The following TEX36 variants were observed in gnomAD, a reference collection of about 807,000 sequenced individuals.
TEX36 encodes testis-expressed protein 36.
TEX36 carries 12 observed loss-of-function variants against 13.6 expected under a neutral mutation model. That is an observed-to-expected ratio of 0.88 (90% CI 0.56 to 1.43). TEX36 has a LOEUF of 1.43. Ranked by LOEUF, TEX36 falls within the 40% of genes most tolerant of loss-of-function variation. The probability of loss-of-function intolerance (pLI) is 0.00; values close to 1 mark genes in which losing one functional copy is unlikely to be tolerated. For missense variants in TEX36, 224 were observed against 228.3 expected, an observed-to-expected ratio of 0.98 and a Z score of 0.12; for synonymous variants, 93 against 83.0, an observed-to-expected ratio of 1.12 and a Z score of -0.65.
At chr10:125,641,660 G>C (rs1846693665) in intron 3 of TEX36, among the ~76,000 whole-genome samples, 1 of 152,208 alleles carries the variant, frequency 6.6e-6, no homozygotes, top group East Asian at 1.9e-4. Flanking sequence ...TGATGAGTAA[G>C]TTGGGGTTTC....
intron 3 of TEX36, among the ~76,000 whole-genome samples, chr10:125,591,649 G>T (rs1846022409): frequency 6.6e-6 from 1 of 152,240 alleles, no homozygotes; most frequent in Admixed American, 6.5e-5. Flanking sequence ...TAGGAAATTA[G>T]TGTTTCTGTA....
At chr10:125,667,473 AG>A in intron 1 of TEX36, 1 of 719,148 alleles carries the variant, frequency 1.4e-6, no homozygotes, top group Non-Finnish European at 2.6e-6. Flanking sequence ...GCAAGGGCTG[AG>A]GGGGTGTGTT....
downstream of TEX36, among the ~76,000 whole-genome samples, chr10:125,654,531 T>C (rs1474072339): frequency 6.6e-6 from 1 of 152,170 alleles, no homozygotes; most frequent in Non-Finnish European, 1.5e-5. Context: ...AGTGTTATTT[T>C]TGTTGTTGTT....
At chr10:125,677,676 G>T (rs958229062) in intron 1 of TEX36, among the ~76,000 whole-genome samples, 2 of 151,842 alleles carry the variant, frequency 1.3e-5, no homozygotes, top group Non-Finnish European at 2.9e-5. Flanking sequence ...TCTTTAAAAT[G>T]AATTTTTTTT....
At position 125,661,987 on chromosome 10, in the gene TEX36, C is replaced by G. The variant is rs1401461868; in HGVS notation, c.52-10G>C. 1 of 1,552,408 alleles carries G rather than the reference C, an allele frequency of 6.4e-7. No homozygotes were observed. The highest frequency in any genetic ancestry group is 8.7e-7 in the Non-Finnish European group (1 of 1,147,126). ...GCCCGATGTGAGGGAACTGGAAGAA[C>G]AGCACACGCCTTGATTAAAACCAGA... On this transcript the variant is annotated splice_polypyrimidine_tract_variant and intron_variant, in intron 1 of 3. Coordinates refer to ENST00000368821, the MANE Select transcript of TEX36 (RefSeq NM_001128202.3).
At chr10:125,605,968 C>T (rs1027872765) in intron 3 of TEX36, among the ~76,000 whole-genome samples, 1 of 152,130 alleles carries the variant, frequency 6.6e-6, no homozygotes, top group African/African-American at 2.4e-5. Flanking sequence ...TTATTAAAAC[C>T]AACTTTGTGG....
intron 3 of TEX36, among the ~76,000 whole-genome samples, chr10:125,645,568 A>ATAAAT (rs1302015329): frequency 6.6e-6 from 1 of 152,196 alleles, no homozygotes; most frequent in Non-Finnish European, 1.5e-5. Flanking sequence ...ACTGTAAGAA[A>ATAAAT]TAAATTTCTT....
intron 3 of TEX36, among the ~76,000 whole-genome samples, chr10:125,657,812 G>T (rs531729886): frequency 6.6e-6 from 1 of 152,154 alleles, no homozygotes; most frequent in African/African-American, 2.4e-5. Flanking sequence ...AACAGGAAGT[G>T]AGTGAGATAA....
At chr10:125,612,044 C>G (rs1846295812) in intron 3 of TEX36, among the ~76,000 whole-genome samples, 1 of 150,962 alleles carries the variant, frequency 6.6e-6, no homozygotes, top group African/African-American at 2.4e-5. Flanking sequence ...AGCACTGTCT[C>G]TTTTCCACTC....
intron 3 of TEX36, among the ~76,000 whole-genome samples, chr10:125,639,865 T>C (rs963904250): frequency 3.9e-5 from 6 of 152,220 alleles, no homozygotes; most frequent in Non-Finnish European, 7.3e-5. Flanking sequence ...CAATCCTCTT[T>C]GGGAACTATA....
chr10:125,681,559 C>A (rs549316828), intron 1 of TEX36, among the ~76,000 whole-genome samples: 1 of 152,228 alleles, frequency 6.6e-6, no homozygotes, highest in African/African-American at 2.4e-5. Context: ...TGGAAATATA[C>A]CTAATATTAT....
chr10:125,638,854 C>A (rs1232727270), intron 3 of TEX36, among the ~76,000 whole-genome samples: 1 of 152,242 alleles, frequency 6.6e-6, no homozygotes, highest in African/African-American at 2.4e-5. Flanking sequence ...ATCACTGAGA[C>A]TTCATGTTCC....
downstream of TEX36, among the ~76,000 whole-genome samples, chr10:125,621,123 A>G (rs1388690752): frequency 2.6e-5 from 4 of 152,202 alleles, no homozygotes; most frequent in East Asian, 1.9e-4. Flanking sequence ...ACCTGCAAGT[A>G]TCTTCTGGGT....
At chr10:125,595,532 G>A (rs1846071736) in intron 3 of TEX36, among the ~76,000 whole-genome samples, 1 of 152,112 alleles carries the variant, frequency 6.6e-6, no homozygotes, top group East Asian at 1.9e-4. Flanking sequence ...CTGCTCAGTA[G>A]CCCCTCCTGC....
chr10:125,593,001 G>A (rs1381497197), intron 3 of TEX36, among the ~76,000 whole-genome samples: 1 of 152,188 alleles, frequency 6.6e-6, no homozygotes, highest in South Asian at 2.1e-4. Flanking sequence ...AACCCTGCCC[G>A]TTTGGGTTTT....
At chr10:125,657,345 G>A (rs1003319254) in intron 3 of TEX36, among the ~76,000 whole-genome samples, 1 of 152,154 alleles carries the variant, frequency 6.6e-6, no homozygotes, top group East Asian at 1.9e-4. Context: ...GGACTGAGGG[G>A]ACTGGGGAGG....
chr10:125,636,408 G>A (rs1329288954), intron 3 of TEX36, among the ~76,000 whole-genome samples: 1 of 149,698 alleles, frequency 6.7e-6, no homozygotes, highest in Admixed American at 6.6e-5. Flanking sequence ...TAGAGGCGGG[G>A]TTTCACCGTG....
chr10:125,625,490 T>C (rs1412529598), intron 3 of TEX36, among the ~76,000 whole-genome samples: 2 of 152,208 alleles, frequency 1.3e-5, no homozygotes, highest in African/African-American at 4.8e-5. Flanking sequence ...CTAAAAATGT[T>C]AGTTTCCATC....
At chr10:125,577,515 A>G (rs1845838504) in intron 3 of TEX36, among the ~76,000 whole-genome samples, 2 of 152,224 alleles carry the variant, frequency 1.3e-5, no homozygotes, top group African/African-American at 4.8e-5. Context: ...AAGAACACAC[A>G]CAAAAAAATT....
Sources: gnomAD v4.1 joint callset for allele counts (sites outside exome capture counted in the v4.1 genomes callset) on GRCh38, gnomAD v4.1.1 for gene constraint, MANE v1.5 for transcripts, NCBI Gene and HGNC (gene_info 2026-07-23, HGNC 2026-07-21) for gene names.